Variants in TENM3 observed in about 807,000 individuals in gnomAD.
The protein encoded by TENM3 is teneurin transmembrane protein 3.
In TENM3, 63 loss-of-function variants were observed where a neutral mutation model predicts 255.1. The ratio of observed to expected loss-of-function variants is 0.25; its 90% CI spans 0.20 to 0.30. TENM3 has a LOEUF of 0.30. Ranked by LOEUF, TENM3 falls within the 10% of genes least tolerant of loss-of-function variation. The pLI is 1.00. For synonymous variants in TENM3, 1,306 were observed against 1,322.3 expected (o/e 0.99, Z 0.27); for missense variants, 2,929 against 3,461.1 (o/e 0.85, Z 3.86).
intron 26 of TENM3, 47 bp from the exon 27 acceptor site, chr4:182,796,590 G>GACAAAAC: frequency 6.8e-7 from 1 of 1,474,804 alleles, no homozygotes; most frequent in Non-Finnish European, 9.0e-7. Flanking sequence ...TTTATGAAAG[G>GACAAAAC]ACAAAACAAA....
chr4:182,484,733 TTA>T (rs1204349406), intron 3 of TENM3, among the ~76,000 whole-genome samples: 1 of 152,162 alleles, frequency 6.6e-6, no homozygotes, highest in East Asian at 1.9e-4. Context: ...TTGGTCCTTC[TTA>T]GAGTTACTGA....
intron 1 of TENM3, among the ~76,000 whole-genome samples, chr4:182,249,251 T>C (rs1757841521): frequency 6.6e-6 from 1 of 152,224 alleles, no homozygotes; most frequent in African/African-American, 2.4e-5. Context: ...TTTTCCGATT[T>C]CAGGGCCAGT....
the TENM3 span, among the ~76,000 whole-genome samples, chr4:181,858,136 T>C: frequency 6.6e-6 from 1 of 152,220 alleles, no homozygotes; most frequent in Non-Finnish European, 1.5e-5. Flanking sequence ...TCCCACTCCG[T>C]CACCCAGGCT....
chr4:182,681,677 A>G, intron 10 of TENM3, 137 bp from the exon 11 acceptor site: 1 of 666,804 alleles, frequency 1.5e-6, no homozygotes, highest in Non-Finnish European at 2.5e-6. Context: ...ATTTTCAGAA[A>G]CAAGTTCTTG....
At chr4:182,010,244 G>C in the TENM3 span, among the ~76,000 whole-genome samples, 2 of 152,258 alleles carry the variant, frequency 1.3e-5, no homozygotes, top group East Asian at 3.9e-4. Flanking sequence ...TTTAGGACTA[G>C]TAAATTGAAT....
chr4:182,043,424 C>A, the TENM3 span, among the ~76,000 whole-genome samples: 1 of 152,142 alleles, frequency 6.6e-6, no homozygotes, highest in African/African-American at 2.4e-5. Flanking sequence ...TTTTGTACAA[C>A]TGCCTGTAGA....
At chr4:181,550,777 A>G in the TENM3 span, among the ~76,000 whole-genome samples, 1 of 152,222 alleles carries the variant, frequency 6.6e-6, no homozygotes, top group South Asian at 2.1e-4. Context: ...TAGCAAATAA[A>G]AAAAAATTTG....
At chr4:182,604,908 A>C (rs1014915446) in intron 4 of TENM3, among the ~76,000 whole-genome samples, 1 of 152,166 alleles carries the variant, frequency 6.6e-6, no homozygotes, top group Non-Finnish European at 1.5e-5. Context: ...CAATATTGAG[A>C]TGTCTTGAGC....
At chr4:182,556,461 A>C (rs985388653) in intron 3 of TENM3, among the ~76,000 whole-genome samples, 1 of 152,244 alleles carries the variant, frequency 6.6e-6, no homozygotes, top group East Asian at 1.9e-4. Flanking sequence ...AATTGAATAC[A>C]ACAAAGTAAT....
chr4:182,056,048 A>G, the TENM3 span, among the ~76,000 whole-genome samples: 2 of 152,150 alleles, frequency 1.3e-5, no homozygotes, highest in South Asian at 4.1e-4. Context: ...ATTGTACTTG[A>G]GTAAATTAGG....
the TENM3 span, among the ~76,000 whole-genome samples, chr4:181,912,517 G>A: frequency 6.6e-6 from 1 of 152,118 alleles, no homozygotes; most frequent in African/African-American, 2.4e-5. Flanking sequence ...GTCTGGTGTG[G>A]TGGCTCATGC....
At chr4:181,743,642 G>C in the TENM3 span, among the ~76,000 whole-genome samples, 3 of 152,012 alleles carry the variant, frequency 2.0e-5, no homozygotes, top group Non-Finnish European at 4.4e-5. Context: ...CAGGAGTGTG[G>C]GCACCAGGGC....
intron 1 of TENM3, among the ~76,000 whole-genome samples, chr4:182,167,219 G>T (rs1447597845): frequency 2.0e-5 from 3 of 152,162 alleles, no homozygotes; most frequent in Non-Finnish European, 4.4e-5. Flanking sequence ...AAATCAGAAA[G>T]CTTGAGAGGA....
intron 4 of TENM3, among the ~76,000 whole-genome samples, chr4:182,605,467 T>A (rs1748319410): frequency 7.0e-6 from 1 of 142,980 alleles, no homozygotes; most frequent in African/African-American, 2.6e-5. Flanking sequence ...TCTTAAAGTT[T>A]CACCATCATC....
At chr4:182,605,419 A>C (rs889094470) in intron 4 of TENM3, among the ~76,000 whole-genome samples, 2 of 152,118 alleles carry the variant, frequency 1.3e-5, no homozygotes, top group Non-Finnish European at 2.9e-5. Flanking sequence ...TTACTTAACA[A>C]AAATTTCAAA....
chr4:182,061,561 C>T, the TENM3 span, among the ~76,000 whole-genome samples: 1 of 152,074 alleles, frequency 6.6e-6, no homozygotes, highest in Non-Finnish European at 1.5e-5. Flanking sequence ...ATAAAATGCT[C>T]CCCAACATAC....
chr4:181,496,804 A>T, the TENM3 span, among the ~76,000 whole-genome samples: 1 of 152,180 alleles, frequency 6.6e-6, no homozygotes, highest in African/African-American at 2.4e-5. Flanking sequence ...TTTTATACTT[A>T]TGAGCCCTGA....
At chr4:182,049,286 T>A in the TENM3 span, among the ~76,000 whole-genome samples, 1 of 152,190 alleles carries the variant, frequency 6.6e-6, no homozygotes, top group Admixed American at 6.5e-5. Context: ...ATCCAAAGAA[T>A]GAGGTGTGCA....
At chr4:182,561,927 A>G (rs545840748) in intron 3 of TENM3, among the ~76,000 whole-genome samples, 4 of 152,026 alleles carry the variant, frequency 2.6e-5, no homozygotes, top group Non-Finnish European at 5.9e-5. Flanking sequence ...CCTATATAAG[A>G]CATATTGTGC....
Sources: allele counts gnomAD v4.1 joint callset (sites outside exome capture counted in the v4.1 genomes callset), GRCh38; gene constraint gnomAD v4.1.1; transcripts MANE v1.5; gene names NCBI Gene and HGNC (gene_info 2026-07-23, HGNC 2026-07-21).